Variants in ADAM20 observed in about 807,000 individuals in gnomAD.
ADAM20 encodes the protein disintegrin and metalloproteinase domain-containing protein 20.
For missense variants in ADAM20, 871 were observed against 883.2 expected (o/e 0.99, Z 0.18); for synonymous variants, 305 against 310.2 (o/e 0.98, Z 0.18).
In ADAM20 at chr14:70,523,078, C is replaced by G; in HGVS notation, c.1680G>C (p.Met560Ile). 1 of 1,613,992 alleles carries G rather than the reference C, an allele frequency of 6.2e-7. No individual in the cohort carries two copies. Among genetic ancestry groups the G allele is most frequent in the Non-Finnish European group, 8.5e-7 (1 of 1,179,954 alleles). ...TYVKCWTPDI[M>I]CGRVQCENVG... ...CATTTTCACACTGAACCCTCCCACA[C>G]ATGATATCAGGGGTCCAACATTTTA... The change falls in exon 2 of 2, where the codon ATG (methionine) becomes ATC (isoleucine). Residue 560 changes from methionine (M) to isoleucine (I), a missense_variant. Physicochemically the swap from Met to Ile is conservative, Grantham distance 10 (BLOSUM62 1). Transcript: ENST00000256389.
Position 70,523,053 on chromosome 14 carries a change from C to T in ADAM20, c.1705G>A (p.Val569Met), listed in dbSNP as rs1257553881. 6.2e-7 allele frequency: 1 copy of T among 1,613,892 alleles called. No homozygotes were observed. Among genetic ancestry groups the T allele is most frequent in the Non-Finnish European group, 8.5e-7 (1 of 1,179,958 alleles). The change falls in exon 2 of 2, where the codon GTG (valine) becomes ATG (methionine). Residue 569 changes from valine (V) to methionine (M), a missense_variant. Coordinates refer to ENST00000256389, the MANE Select transcript of ADAM20 (RefSeq NM_003814.5). Reference sequence around the variant, plus strand: ...TCTATCAGATTGGGAATTACTCCCACATTTTCACACTGAACCCTCCCACAC... The same window carrying T: ...TCTATCAGATTGGGAATTACTCCCATATTTTCACACTGAACCCTCCCACAC... ...IMCGRVQCEN[V>M]GVIPNLIEHS...
chr14:70,568,717 G>C, the ADAM20 span, among the ~76,000 whole-genome samples: 8 of 152,038 alleles, frequency 5.3e-5, no homozygotes, highest in Non-Finnish European at 8.8e-5. Context: ...TTTGCTAAAG[G>C]AATTTCAAAA....
the ADAM20 span, among the ~76,000 whole-genome samples, chr14:70,559,477 T>A: frequency 2.0e-5 from 3 of 152,196 alleles, no homozygotes; most frequent in African/African-American, 7.2e-5. Flanking sequence ...GTCTCCTGCA[T>A]CCATTCTTAT....
the ADAM20 span, among the ~76,000 whole-genome samples, chr14:70,564,228 G>C: frequency 6.6e-6 from 1 of 152,246 alleles, no homozygotes; most frequent in Non-Finnish European, 1.5e-5. Flanking sequence ...AAAAGTCAGA[G>C]AACTAAGGCT....
At chr14:70,559,200 C>A in the ADAM20 span, among the ~76,000 whole-genome samples, 4 of 152,118 alleles carry the variant, frequency 2.6e-5, no homozygotes, top group African/African-American at 7.2e-5. Flanking sequence ...CCTCCTCCCA[C>A]CACCTCCTCC....
the ADAM20 span, among the ~76,000 whole-genome samples, chr14:70,568,875 CAT>C: frequency 3.3e-5 from 5 of 151,896 alleles, no homozygotes; most frequent in Admixed American, 6.5e-5. Context: ...AATTGGAAAA[CAT>C]ATTTGAGGAA....
In ADAM20 at chr14:70,529,082, A is replaced by G. The variant is rs999903758; in HGVS notation, c.-176-4149T>C. On this transcript the variant is annotated intron_variant, in intron 1 of 1. Transcript: ENST00000256389. ...AGGGAGAAATAGATAGCAACACAAT[A>G]ATAGTAAGATATTTTGATACCCTAT... is the stretch of plus-strand genomic sequence containing the variant. Among the ~76,000 whole-genome samples, 39 of 152,316 alleles carry G rather than the reference A, an allele frequency of 2.6e-4. 1 individual carries two copies. The highest frequency in any genetic ancestry group is 1.6e-3 in the Admixed American group (25 of 15,300).
At chr14:70,568,119 G>A in the ADAM20 span, among the ~76,000 whole-genome samples, 7 of 151,442 alleles carry the variant, frequency 4.6e-5, no homozygotes, top group South Asian at 1.5e-3. Flanking sequence ...TACCAGAAGG[G>A]CTTAGTGCTA....
the ADAM20 span, among the ~76,000 whole-genome samples, chr14:70,568,699 T>C: frequency 6.6e-6 from 1 of 152,108 alleles, no homozygotes; most frequent in African/African-American, 2.4e-5. Context: ...ACTTCTGAAA[T>C]TGAAAATTTT....
the ADAM20 span, among the ~76,000 whole-genome samples, chr14:70,573,571 T>C: frequency 0.027 from 4,179 of 152,222 alleles, 154 homozygotes; most frequent in African/African-American, 0.079. Context: ...GAATTTATAA[T>C]TTTTTAAAAA....
the ADAM20 span, among the ~76,000 whole-genome samples, chr14:70,578,003 G>T: frequency 6.6e-6 from 1 of 152,152 alleles, no homozygotes; most frequent in South Asian, 2.1e-4. Flanking sequence ...AAAAGCACAG[G>T]TAATAGAAGA....
chr14:70,524,937 A>G lies in ADAM20; in HGVS notation c.-176-4T>C, dbSNP rs1883556438. 1.9e-6 allele frequency: 3 copies of G among 1,558,868 alleles called. No homozygotes were observed. The highest frequency in any genetic ancestry group is 2.6e-6 in the Non-Finnish European group (3 of 1,154,076). On this transcript the variant is annotated splice_polypyrimidine_tract_variant and splice_region_variant and intron_variant, in intron 1 of 1. Transcript: ENST00000256389. ...GCTGCAGTGCTGAAAATAAAAACTG[A>G]AAGAGCCAGGATGGGGTGGGTGGGA...
At chr14:70,534,700 T>C (rs1028506089) in intron 1 of ADAM20, 97 bp downstream of exon 1, 4 of 152,224 alleles carry the variant, frequency 2.6e-5, no homozygotes, top group South Asian at 4.1e-4. Flanking sequence ...AATGGATATA[T>C]AATTTCAGTC....
chr14:70,524,933 A>T lies in ADAM20; in HGVS notation c.-176T>A. On this transcript the variant is annotated splice_region_variant and 5_prime_UTR_variant, in exon 2 of 2. Transcript: ENST00000256389. ...CAGAGCTGCAGTGCTGAAAATAAAA[A>T]CTGAAAGAGCCAGGATGGGGTGGGT... 6.4e-7 allele frequency: 1 copy of T among 1,561,532 alleles called. No homozygotes were observed. Among genetic ancestry groups the T allele is most frequent in the East Asian group, 2.3e-5 (1 of 44,224 alleles).
the ADAM20 span, among the ~76,000 whole-genome samples, chr14:70,564,199 G>A: frequency 2.6e-5 from 4 of 152,244 alleles, no homozygotes; most frequent in African/African-American, 4.8e-5. Flanking sequence ...TTACACCAGC[G>A]CTGCTGAGCA....
the ADAM20 span, among the ~76,000 whole-genome samples, chr14:70,544,602 T>C: frequency 0.027 from 4,166 of 152,018 alleles, 111 homozygotes; most frequent in African/African-American, 0.078. Context: ...TTTAACAGAA[T>C]AAAATAAAAA....
intron 1 of ADAM20, among the ~76,000 whole-genome samples, chr14:70,532,487 T>A (rs927345021): frequency 1.1e-4 from 16 of 152,128 alleles, no homozygotes; most frequent in South Asian, 6.2e-4. Flanking sequence ...ACTAAAAATC[T>A]TCTTAACAGC....
intron 1 of ADAM20, among the ~76,000 whole-genome samples, chr14:70,532,973 T>C (rs1205094142): frequency 6.6e-6 from 1 of 152,070 alleles, no homozygotes; most frequent in Non-Finnish European, 1.5e-5. Context: ...AAAATACAAA[T>C]CAAAACCACA....
chr14:70,572,782 C>T, the ADAM20 span, among the ~76,000 whole-genome samples: 1 of 151,864 alleles, frequency 6.6e-6, no homozygotes, highest in African/African-American at 2.4e-5. Flanking sequence ...AGGCAAAGGA[C>T]ATAAACAGAT....
Sources: gnomAD v4.1 joint callset for allele counts (sites outside exome capture counted in the v4.1 genomes callset) on GRCh38, gnomAD v4.1.1 for gene constraint, MANE v1.5 for transcripts, NCBI Gene and HGNC (gene_info 2026-07-23, HGNC 2026-07-21) for gene names.